Variants in CSMD3 observed in about 807,000 individuals in gnomAD.
CSMD3 encodes the protein CUB and sushi domain-containing protein 3.
In CSMD3, 177 loss-of-function variants were observed where a neutral mutation model predicts 435.2. The ratio of observed to expected loss-of-function variants is 0.41; its 90% CI spans 0.36 to 0.46. The LOEUF (loss-of-function observed/expected upper bound fraction) is 0.46. Ranked by LOEUF, CSMD3 falls within the 20% of genes least tolerant of loss-of-function variation. The pLI is 0.34. For synonymous variants in CSMD3, 1,656 were observed against 1,520.5 expected (o/e 1.09, Z -2.07); for missense variants, 4,265 against 4,504.6 (o/e 0.95, Z 1.52).
At chr8:112,459,833 A>G (rs1393568667) in intron 32 of CSMD3, among the ~76,000 whole-genome samples, 1 of 152,150 alleles carries the variant, frequency 6.6e-6, no homozygotes, top group Non-Finnish European at 1.5e-5. Context: ...CTCTTCAACT[A>G]GAGATAAAAA....
intron 32 of CSMD3, among the ~76,000 whole-genome samples, chr8:112,452,364 T>C (rs1486672429): frequency 2.0e-5 from 3 of 152,292 alleles, no homozygotes; most frequent in East Asian, 3.9e-4. Context: ...AATAAAATAA[T>C]TGATGTAAAA....
intron 49 of CSMD3, among the ~76,000 whole-genome samples, chr8:112,313,294 G>C (rs987291390): frequency 6.6e-6 from 1 of 152,006 alleles, no homozygotes; most frequent in African/African-American, 2.4e-5. Flanking sequence ...GCGACAAAAC[G>C]CTTCCGTTTT....
At chr8:112,503,999 CA>C in intron 29 of CSMD3, 22 bp from the exon 30 acceptor site, 1 of 1,445,720 alleles carries the variant, frequency 6.9e-7, no homozygotes, top group Non-Finnish European at 9.6e-7. Flanking sequence ...AAGGAAAGAA[CA>C]AAAGAAAGAA....
At chr8:112,871,971 T>G (rs1042403945) in intron 10 of CSMD3, among the ~76,000 whole-genome samples, 2 of 152,146 alleles carry the variant, frequency 1.3e-5, no homozygotes, top group Non-Finnish European at 2.9e-5. Flanking sequence ...TCCTTTAATT[T>G]TAAAATATAG....
chr8:112,311,734 G>C (rs1403391938), intron 49 of CSMD3, among the ~76,000 whole-genome samples: 2 of 152,124 alleles, frequency 1.3e-5, no homozygotes, highest in Non-Finnish European at 2.9e-5. Flanking sequence ...AAATAAAAAA[G>C]TTTTTTCATC....
chr8:113,142,335 TA>T (rs2091568593), intron 4 of CSMD3, among the ~76,000 whole-genome samples: 1 of 151,230 alleles, frequency 6.6e-6, no homozygotes, highest in Non-Finnish European at 1.5e-5. Context: ...AAAGTAGAAT[TA>T]AATGGATGAA....
At chr8:113,230,910 C>T (rs1426349661) in intron 3 of CSMD3, among the ~76,000 whole-genome samples, 2 of 151,288 alleles carry the variant, frequency 1.3e-5, no homozygotes, top group Admixed American at 6.6e-5. Flanking sequence ...TACAAATATG[C>T]CCATCACACT....
chr8:112,933,331 A>AT (rs1162635251), intron 9 of CSMD3, among the ~76,000 whole-genome samples: 1 of 152,220 alleles, frequency 6.6e-6, no homozygotes, highest in Non-Finnish European at 1.5e-5. Flanking sequence ...AATAGTTCAA[A>AT]TTTTTTACCA....
At chr8:112,276,457 C>T (rs1314864025) in intron 59 of CSMD3, among the ~76,000 whole-genome samples, 2 of 152,132 alleles carry the variant, frequency 1.3e-5, no homozygotes, top group Non-Finnish European at 2.9e-5. Context: ...GGCTCCAACC[C>T]CATGTTTCTC....
At chr8:112,889,526 C>G (rs2081717145) in intron 10 of CSMD3, among the ~76,000 whole-genome samples, 1 of 151,672 alleles carries the variant, frequency 6.6e-6, no homozygotes, top group Non-Finnish European at 1.5e-5. Flanking sequence ...CCAAGTATTT[C>G]CAGGCAGCAC....
intron 2 of CSMD3, chr8:113,312,005 GA>G (rs2132655953): frequency 6.6e-6 from 1 of 152,136 alleles, no homozygotes; most frequent in East Asian, 1.9e-4. Flanking sequence ...ACACCTGTTT[GA>G]AAATATACCT....
chr8:113,191,930 A>C (rs2092591859), intron 3 of CSMD3, among the ~76,000 whole-genome samples: 2 of 151,682 alleles, frequency 1.3e-5, no homozygotes, highest in Non-Finnish European at 1.5e-5. Flanking sequence ...TTGACTTTTT[A>C]ATAATTGTCA....
chr8:112,455,975 T>TATCAATGGTCTAGTTTTATTC (rs1385150587), intron 32 of CSMD3, among the ~76,000 whole-genome samples: 1 of 152,092 alleles, frequency 6.6e-6, no homozygotes, highest in African/African-American at 2.4e-5. Flanking sequence ...ATTTTTTATT[T>TATCAATGGTCTAGTTTTATTC]ATCAATGGTC....
In CSMD3 at chr8:112,653,286, C is replaced by T. The variant is rs78340999; in HGVS notation, c.3004+2868G>A. On this transcript the variant is annotated intron_variant, in intron 18 of 70. Coordinates refer to ENST00000297405, the MANE Select transcript of CSMD3 (RefSeq NM_198123.2). ...CATTTTTCTTATTTATGTAATACAA[C>T]GTTTGAACATTTTATGTTTCTGTTT... 4.0e-3 allele frequency among the ~76,000 whole-genome samples: 605 copies of T among 152,104 alleles called. 4 individuals are homozygous for T. The highest frequency in any genetic ancestry group is 0.013 in the African/African-American group (533 of 41,502).
intron 27 of CSMD3, among the ~76,000 whole-genome samples, chr8:112,526,418 C>T (rs192210040): frequency 9.0e-4 from 136 of 151,940 alleles, no homozygotes; most frequent in South Asian, 2.9e-3. Flanking sequence ...TCTCACACAA[C>T]CACACCCACA....
chr8:113,067,420 T>C (rs2088907434), intron 5 of CSMD3, among the ~76,000 whole-genome samples: 2 of 152,248 alleles, frequency 1.3e-5, no homozygotes, highest in East Asian at 1.9e-4. Context: ...AATTGCAGCA[T>C]AGATATTTAG....
intron 12 of CSMD3, among the ~76,000 whole-genome samples, chr8:112,804,910 G>T (rs1444016893): frequency 6.6e-6 from 1 of 151,964 alleles, no homozygotes; most frequent in African/African-American, 2.4e-5. Flanking sequence ...TGATCTGCCC[G>T]CCTCAGCCTC....
At position 112,859,216 on chromosome 8, in the gene CSMD3, G is replaced by C. The variant is rs1418135224; in HGVS notation, c.1684C>G (p.Pro562Ala). The C allele has an allele frequency of 9.3e-6, 15 of 1,610,946 alleles. 1 individual carries two copies. In the South Asian group the frequency reaches 1.5e-4, roughly 17 times the overall value. The change falls in exon 11 of 71, where the codon CCC (proline) becomes GCC (alanine). Residue 562 changes from proline (P) to alanine (A), a missense_variant. Physicochemically the swap from Pro to Ala is conservative, Grantham distance 27. This residue lies in a region of CSMD3 where 731 missense variants were observed against 755.4 expected (regional missense o/e 0.97). Transcript: ENST00000297405. ...LQGPSGTFTS[P>A]NFPFQYDSNA... ...CTGTCATACTGGAACGGAAAGTTGG[G>C]AGATGTAAAGGTACCACTTGGTCCT...
intron 13 of CSMD3, among the ~76,000 whole-genome samples, chr8:112,778,913 C>G (rs2078310477): frequency 6.6e-6 from 1 of 151,892 alleles, no homozygotes; most frequent in Non-Finnish European, 1.5e-5. Flanking sequence ...TTTTAATTTG[C>G]AATTCCCTAA....
Sources: gnomAD v4.1 joint callset for allele counts (sites outside exome capture counted in the v4.1 genomes callset) on GRCh38, gnomAD v4.1.1 for gene constraint, gnomAD v4.1.1 regional missense constraint, MANE v1.5 for transcripts, NCBI Gene and HGNC (gene_info 2026-07-23, HGNC 2026-07-21) for gene names.